Variants in SAMMSON observed in about 807,000 individuals in gnomAD.
SAMMSON encodes long intergenic non-protein coding RNA 1212.
At chr3:70,267,523 T>C (rs971096955) in intron 6 of SAMMSON, among the ~76,000 whole-genome samples, 3 of 146,548 alleles carry the variant, frequency 2.0e-5, no homozygotes, top group Non-Finnish European at 4.5e-5. Context: ...CTGCCTCAGC[T>C]TCCCGAGTAG....
At chr3:70,400,686 C>A (rs569890198) in intron 2 of SAMMSON, among the ~76,000 whole-genome samples, 3 of 152,136 alleles carry the variant, frequency 2.0e-5, no homozygotes, top group Admixed American at 6.5e-5. Flanking sequence ...AATCCCAGCA[C>A]TTTGGAGCGT....
rs76537842 is a variant in SAMMSON, at chr3:70,209,680, A to C, written n.508-39427A>C. On this transcript the variant is annotated intron_variant and non_coding_transcript_variant, in intron 4 of 9. Coordinates refer to ENST00000642114, the Ensembl canonical transcript of SAMMSON. Reference sequence around the variant, plus strand: ...CTTTGTGCTTGTCCTTTTCCCTTTTATATTATGCAATGTTTTCTCTGATTT... The same window carrying C: ...CTTTGTGCTTGTCCTTTTCCCTTTTCTATTATGCAATGTTTTCTCTGATTT... Among the ~76,000 whole-genome samples the C allele has an allele frequency of 8.6e-3, 1,306 of 152,110 alleles. 21 individuals carry two copies. The highest frequency in any genetic ancestry group is 0.03 in the African/African-American group (1,231 of 41,512).
chr3:70,034,771 G>C (rs1232129407), intron 3 of SAMMSON, among the ~76,000 whole-genome samples: 1 of 152,130 alleles, frequency 6.6e-6, no homozygotes, highest in Non-Finnish European at 1.5e-5. Context: ...TTGAATCTGG[G>C]AGGCGGAGGT....
rs2067380199 is a variant in SAMMSON at position 70,109,594 on chromosome 3, A to G, written n.507+38029A>G. 2.6e-5 allele frequency among the ~76,000 whole-genome samples: 4 copies of G among 152,266 alleles called. No homozygotes were observed. The South Asian group carries it at 8.3e-4, about 32-fold the overall frequency. ...AAGCCAGACTCTACCTCGTATGAGT[A>G]TGTGTGTCCTTTCGGATACTCTCCT... On this transcript the variant is annotated intron_variant and non_coding_transcript_variant, in intron 4 of 9. Coordinates refer to ENST00000642114, the Ensembl canonical transcript of SAMMSON.
intron 4 of SAMMSON, chr3:70,196,893 A>G (rs1031616078): frequency 5.0e-6 from 2 of 398,352 alleles, no homozygotes; most frequent in African/African-American, 2.1e-5. Context: ...ACCGTGGCCA[A>G]AAGGACTGCC....
intron 6 of SAMMSON, among the ~76,000 whole-genome samples, chr3:70,266,048 G>GA (rs1701914036): frequency 6.6e-6 from 1 of 152,148 alleles, no homozygotes; most frequent in South Asian, 2.1e-4. Flanking sequence ...TGCTTATTCA[G>GA]AAAAGAGAAT....
intron 1 of SAMMSON, among the ~76,000 whole-genome samples, chr3:70,000,328 G>A (rs2066900993): frequency 6.6e-6 from 1 of 152,232 alleles, no homozygotes; most frequent in Non-Finnish European, 1.5e-5. Flanking sequence ...CACACGCCCT[G>A]AGAGGAGGAC....
chr3:70,130,000 G>C (rs1244415879), intron 4 of SAMMSON, among the ~76,000 whole-genome samples: 1 of 152,182 alleles, frequency 6.6e-6, no homozygotes, highest in East Asian at 1.9e-4. Context: ...CCCTTTGTGT[G>C]TATGTGGTAA....
At chr3:70,349,486 T>C (rs1445950086) in intron 7 of SAMMSON, among the ~76,000 whole-genome samples, 1 of 152,170 alleles carries the variant, frequency 6.6e-6, no homozygotes, top group Non-Finnish European at 1.5e-5. Context: ...AGTTAGAATC[T>C]AATAGGATAA....
intron 7 of SAMMSON, among the ~76,000 whole-genome samples, chr3:70,352,087 A>C (rs146775359): frequency 8.1e-5 from 12 of 147,730 alleles, no homozygotes; most frequent in Admixed American, 6.9e-4. Context: ...TCAAAGAAAT[A>C]ATGAACCAAC....
intron 7 of SAMMSON, among the ~76,000 whole-genome samples, chr3:70,325,332 C>A (rs949737769): frequency 6.6e-6 from 1 of 152,070 alleles, no homozygotes; most frequent in Non-Finnish European, 1.5e-5. Flanking sequence ...TAAGTATGTA[C>A]GTGTATTTCA....
At chr3:70,053,248 G>A (rs1182417492) in intron 3 of SAMMSON, among the ~76,000 whole-genome samples, 1 of 152,144 alleles carries the variant, frequency 6.6e-6, no homozygotes, top group East Asian at 1.9e-4. Context: ...AGTTGCACTA[G>A]AGCTGCAGCT....
chr3:70,188,006 C>T (rs1334154371), intron 4 of SAMMSON, among the ~76,000 whole-genome samples: 1 of 152,108 alleles, frequency 6.6e-6, no homozygotes, highest in Non-Finnish European at 1.5e-5. Context: ...GGGCAGCCAC[C>T]CCACCTTTCC....
chr3:70,239,468 T>C (rs1226881324), intron 4 of SAMMSON, among the ~76,000 whole-genome samples: 1 of 152,142 alleles, frequency 6.6e-6, no homozygotes, highest in African/African-American at 2.4e-5. Context: ...GTCAACTGTC[T>C]TGAAGTTCAT....
At chr3:70,137,969 G>C (rs975659861) in intron 4 of SAMMSON, among the ~76,000 whole-genome samples, 5 of 152,026 alleles carry the variant, frequency 3.3e-5, no homozygotes, top group African/African-American at 1.2e-4. Flanking sequence ...CATTCATGTT[G>C]TTCTGAGTTG....
At chr3:70,101,711 G>A (rs9832362) in intron 4 of SAMMSON, among the ~76,000 whole-genome samples, 42,638 of 151,958 alleles carry the variant, frequency 0.28, 6,214 homozygotes, top group African/African-American at 0.36. Context: ...TATATCCGTG[G>A]TTGCATTTTG....
At chr3:70,159,595 C>T (rs564080328) in intron 4 of SAMMSON, 8 of 152,020 alleles carry the variant, frequency 5.3e-5, no homozygotes, top group African/African-American at 1.9e-4. Flanking sequence ...TGGAGTCTCG[C>T]TCTGTCACCC....
At chr3:70,370,212 A>G (rs1367623716) in intron 9 of SAMMSON, among the ~76,000 whole-genome samples, 1 of 151,922 alleles carries the variant, frequency 6.6e-6, no homozygotes, top group African/African-American at 2.4e-5. Context: ...CCATTCATCC[A>G]TGGATGGACA....
chr3:70,301,587 C>T (rs547457512), intron 7 of SAMMSON, among the ~76,000 whole-genome samples: 119 of 152,110 alleles, frequency 7.8e-4, no homozygotes, highest in African/African-American at 2.5e-3. Flanking sequence ...TTTTGTAAAA[C>T]GAATGCTTCT....
Sources: allele counts gnomAD v4.1 joint callset (sites outside exome capture counted in the v4.1 genomes callset), GRCh38; gene constraint gnomAD v4.1.1; transcripts MANE v1.5; gene names NCBI Gene and HGNC (gene_info 2026-07-23, HGNC 2026-07-21).